The following AGBL4 variants were observed in gnomAD, a reference collection of about 807,000 sequenced individuals.
The protein encoded by AGBL4 is cytosolic carboxypeptidase 6.
In AGBL4, 58 loss-of-function variants were observed where a neutral mutation model predicts 66.4. That is an observed-to-expected ratio of 0.87 (90% CI 0.71 to 1.09). AGBL4 has a LOEUF of 1.09. Among genes scored for constraint, AGBL4 ranks in the 50% least tolerant of loss-of-function variants. The probability of loss-of-function intolerance (pLI) is 0.00; values close to 1 mark genes in which losing one functional copy is unlikely to be tolerated. For synonymous variants in AGBL4, 234 were observed against 222.9 expected (o/e 1.05, Z -0.44); for missense variants, 579 against 631.0 (o/e 0.92, Z 0.88).
chr1:49,708,547 A>G (rs573245739), intron 2 of AGBL4, among the ~76,000 whole-genome samples: 31 of 152,140 alleles, frequency 2.0e-4, no homozygotes, highest in Admixed American at 7.2e-4. Context: ...TCTGAAGCCT[A>G]CTTCTGTCAA....
At chr1:48,566,612 G>A (rs975414836) in intron 11 of AGBL4, among the ~76,000 whole-genome samples, 3 of 152,238 alleles carry the variant, frequency 2.0e-5, no homozygotes. Flanking sequence ...CTGTGAGGGT[G>A]CTTGTGGAAG....
chr1:49,787,377 C>T (rs1266006207), intron 2 of AGBL4, among the ~76,000 whole-genome samples: 1 of 151,972 alleles, frequency 6.6e-6, no homozygotes, highest in Non-Finnish European at 1.5e-5. Context: ...GTGGCGGACG[C>T]CTGTAGTCCC....
intron 3 of AGBL4, among the ~76,000 whole-genome samples, chr1:49,431,724 T>C (rs1020813852): frequency 6.6e-6 from 1 of 152,180 alleles, no homozygotes; most frequent in Non-Finnish European, 1.5e-5. Context: ...AATGATTCAC[T>C]TCTTTGCATT....
chr1:49,053,538 G>A (rs1644257567), intron 4 of AGBL4, among the ~76,000 whole-genome samples: 1 of 152,092 alleles, frequency 6.6e-6, no homozygotes, highest in Non-Finnish European at 1.5e-5. Context: ...GGGATCAATA[G>A]GAAATGTGGA....
chr1:49,561,553 T>C (rs955918925), intron 3 of AGBL4, among the ~76,000 whole-genome samples: 1 of 151,292 alleles, frequency 6.6e-6, no homozygotes, highest in South Asian at 2.1e-4. Context: ...TGAGAACATG[T>C]GGTTTTTGGT....
chr1:49,390,831 C>T (rs1644830117), intron 3 of AGBL4, among the ~76,000 whole-genome samples: 1 of 152,152 alleles, frequency 6.6e-6, no homozygotes, highest in Admixed American at 6.5e-5. Context: ...ATTTATTCTG[C>T]AGGCATATGC....
At chr1:49,283,253 A>T (rs886322066) in intron 3 of AGBL4, among the ~76,000 whole-genome samples, 4 of 152,162 alleles carry the variant, frequency 2.6e-5, no homozygotes, top group Admixed American at 2.6e-4. Context: ...ACCCCCAAGC[A>T]GGGGCACACT....
At chr1:49,128,204 C>A (rs1410230118) in intron 4 of AGBL4, among the ~76,000 whole-genome samples, 1 of 151,928 alleles carries the variant, frequency 6.6e-6, no homozygotes, top group Admixed American at 6.6e-5. Flanking sequence ...GAATTAATCT[C>A]AGATTAGACA....
At chr1:49,294,999 T>G (rs186429360) in intron 3 of AGBL4, among the ~76,000 whole-genome samples, 2 of 152,336 alleles carry the variant, frequency 1.3e-5, no homozygotes, top group East Asian at 3.9e-4. Flanking sequence ...GTTGTAATGA[T>G]TGCTAAATAA....
intron 4 of AGBL4, among the ~76,000 whole-genome samples, chr1:49,059,671 G>A (rs765724369): frequency 1.3e-5 from 2 of 152,110 alleles, no homozygotes. Context: ...GCCAGGAGGG[G>A]GACTGTACCC....
chr1:49,958,610 C>A (rs551604641), intron 1 of AGBL4, among the ~76,000 whole-genome samples: 1 of 148,900 alleles, frequency 6.7e-6, no homozygotes, highest in Admixed American at 6.8e-5. Flanking sequence ...GACCAAATAC[C>A]ACATGTTCTC....
chr1:49,420,867 ATG>A (rs1645531393), intron 3 of AGBL4, among the ~76,000 whole-genome samples: 1 of 152,148 alleles, frequency 6.6e-6, no homozygotes, highest in Non-Finnish European at 1.5e-5. Flanking sequence ...GCTGGGGATA[ATG>A]AGGTGCATAA....
chr1:48,745,321 G>A (rs1391173908), intron 6 of AGBL4, among the ~76,000 whole-genome samples: 1 of 152,196 alleles, frequency 6.6e-6, no homozygotes, highest in African/African-American at 2.4e-5. Context: ...AGTCCGAGAA[G>A]TAGAAATCAG....
At chr1:49,065,309 A>G (rs1644472781) in intron 4 of AGBL4, among the ~76,000 whole-genome samples, 1 of 152,334 alleles carries the variant, frequency 6.6e-6, no homozygotes. Context: ...GTGATGACAG[A>G]AAGAATTAGG....
chr1:49,235,437 A>G (rs1004711742), intron 4 of AGBL4, among the ~76,000 whole-genome samples: 22 of 152,180 alleles, frequency 1.4e-4, no homozygotes, highest in Admixed American at 1.4e-3. Context: ...GTCACATTTC[A>G]TCCCCTTTTC....
intron 8 of AGBL4, among the ~76,000 whole-genome samples, chr1:48,645,848 GT>G (rs1235799502): frequency 6.6e-6 from 1 of 152,104 alleles, no homozygotes; most frequent in Non-Finnish European, 1.5e-5. Context: ...TCTGGAGCAC[GT>G]TCAGAGGACA....
intron 6 of AGBL4, among the ~76,000 whole-genome samples, chr1:48,714,962 T>C (rs1369954365): frequency 2.0e-5 from 3 of 152,172 alleles, no homozygotes; most frequent in African/African-American, 7.2e-5. Context: ...TAGCTGAAGA[T>C]GGAATGAGAC....
intron 11 of AGBL4, among the ~76,000 whole-genome samples, chr1:48,565,110 C>T (rs1235941176): frequency 2.0e-5 from 3 of 152,174 alleles, no homozygotes; most frequent in East Asian, 1.9e-4. Context: ...CCAGGCAAGA[C>T]GTTATTAATC....
At chr1:49,202,078 GA>G (rs1647751633) in intron 4 of AGBL4, among the ~76,000 whole-genome samples, 1 of 152,106 alleles carries the variant, frequency 6.6e-6, no homozygotes, top group Non-Finnish European at 1.5e-5. Context: ...CTTAGCAGTA[GA>G]ATAACTGCTA....
Sources: allele counts gnomAD v4.1 joint callset (sites outside exome capture counted in the v4.1 genomes callset), GRCh38; gene constraint gnomAD v4.1.1; transcripts MANE v1.5; gene names NCBI Gene and HGNC (gene_info 2026-07-23, HGNC 2026-07-21).